The following SLC25A25 variants were observed in gnomAD, a reference collection of about 807,000 sequenced individuals.
SLC25A25 encodes solute carrier family 25 member 25.
A neutral mutation model predicts 57.7 loss-of-function variants in SLC25A25; 32 were observed. The ratio of observed to expected loss-of-function variants is 0.55; its 90% CI spans 0.42 to 0.74. The LOEUF is 0.74. Among genes scored for constraint, SLC25A25 ranks in the 30% least tolerant of loss-of-function variants. The pLI is 0.00. For synonymous variants in SLC25A25, 306 were observed against 291.2 expected (o/e 1.05, Z -0.52); for missense variants, 556 against 701.3 (o/e 0.79, Z 2.34).
Position 128,102,563 on chromosome 9 carries a change from G to A in SLC25A25, c.624+82G>A, listed in dbSNP as rs1275243394. The A allele has an allele frequency of 5.4e-6, 6 of 1,107,088 alleles. No homozygotes were observed. Among genetic ancestry groups the A allele is most frequent in the African/African-American group, 4.7e-5 (3 of 63,990 alleles). 68.6% of individuals were successfully genotyped at this position (1,107,088 alleles called of 1,614,324 possible). A position where few individuals can be genotyped will look rare whatever the true frequency, so the allele number is the denominator to read the frequency against. ...CACCCAGTCGTCCCCATCCCAGAGT[G>A]CAGCTGGGGCTTTCCAGCCACCTCC... On this transcript the variant is annotated intron_variant, in intron 5 of 10. Coordinates refer to ENST00000373069, the MANE Select transcript of SLC25A25 (RefSeq NM_001330988.2). The surrounding 1 kb of genome is among the most constrained non-coding windows in gnomAD (Gnocchi z 4.1).
At chr9:128,091,924 C>T (rs564364290) in intron 1 of SLC25A25, 26 of 1,613,474 alleles carry the variant, frequency 1.6e-5, no homozygotes, top group Admixed American at 1.0e-4. Flanking sequence ...GGGCTGGGTG[C>T]CACGGCTCCA....
Position 128,068,316 on chromosome 9 carries a change from C to G in SLC25A25, c.-4C>G. ...CCGCGCCCGGAGCCCCTGCCTCGCG[C>G]CCGATGGTGAGCAGTGTGTTGTGCC... On this transcript the variant is annotated 5_prime_UTR_variant, in exon 1 of 11. Transcript: ENST00000373069. 4 of 1,415,456 alleles carry G rather than the reference C, an allele frequency of 2.8e-6. No individual in the cohort carries two copies. Among genetic ancestry groups the G allele is most frequent in the Non-Finnish European group, 3.7e-6 (4 of 1,086,086 alleles). 87.7% of individuals were successfully genotyped at this position (1,415,456 alleles called of 1,614,324 possible).
intron 6 of SLC25A25, among the ~76,000 whole-genome samples, chr9:128,104,257 C>T (rs886354080): frequency 6.6e-6 from 1 of 152,226 alleles, no homozygotes. Flanking sequence ...ATAAGCTGGG[C>T]TGATGTCAAG....
intron 1 of SLC25A25, among the ~76,000 whole-genome samples, chr9:128,073,989 C>G (rs1182900830): frequency 6.6e-6 from 1 of 152,018 alleles, no homozygotes; most frequent in Non-Finnish European, 1.5e-5. Flanking sequence ...CTGCCTCAGC[C>G]TCCCAAAGTG....
Position 128,075,135 on chromosome 9 carries a change from T to TTAA in SLC25A25, c.261+6555_261+6556insTAA, listed in dbSNP as rs1554731166. Among the ~76,000 whole-genome samples the TTAA allele has an allele frequency of 3.4e-4, 52 of 151,358 alleles. 1 individual carries two copies. Among genetic ancestry groups the TTAA allele is most frequent in the African/African-American group, 1.3e-3 (52 of 41,040 alleles). Reference sequence around the variant, plus strand: ...CTTGGAGACAGAGTGAGATTCCATCTCAACAACAACAACAACAACAAAATT... The same window carrying TTAA: ...CTTGGAGACAGAGTGAGATTCCATCTTAACAACAACAACAACAACAACAAAATT... On this transcript the variant is annotated intron_variant, in intron 1 of 10. Coordinates refer to ENST00000373069, the MANE Select transcript of SLC25A25 (RefSeq NM_001330988.2).
chr9:128,075,573 G>A (rs931507691), intron 1 of SLC25A25, among the ~76,000 whole-genome samples: 5 of 152,064 alleles, frequency 3.3e-5, no homozygotes, highest in Admixed American at 6.6e-5. Flanking sequence ...CAAGTGTGGC[G>A]ACTTACACCT....
Position 128,103,941 on chromosome 9 carries a change from C to A in SLC25A25, c.783+102C>A. Reference sequence around the variant, plus strand: ...TCTCTGGCTGGTGCCTGCTTTGGGCCCAAACTTTTCTAACCCAATAAATTA... The same window carrying A: ...TCTCTGGCTGGTGCCTGCTTTGGGCACAAACTTTTCTAACCCAATAAATTA... On this transcript the variant is annotated intron_variant, in intron 6 of 10. Transcript: ENST00000373069. This position sits in a 1 kb window ranked among gnomAD's most constrained non-coding sequence, Gnocchi z 6.7. The A allele has an allele frequency of 8.0e-7, 1 of 1,250,746 alleles. No homozygotes were observed. 77.5% of individuals were successfully genotyped at this position (1,250,746 alleles called of 1,614,324 possible).
At position 128,107,173 on chromosome 9, in the gene SLC25A25, G is replaced by A. The variant is rs767983433; in HGVS notation, c.1357G>A (p.Ala453Thr). Residue 453 changes from alanine (A) to threonine (T), a missense_variant, in exon 10 of 11, where the codon GCG becomes ACG. Ala to Thr is a moderately conservative substitution (Grantham distance 58). Coordinates refer to ENST00000373069, the MANE Select transcript of SLC25A25 (RefSeq NM_001330988.2). Reference sequence around the variant, plus strand: ...GGCCCTAGTCAGGACCCGGATGCAGGCGCAAGGTAAGGCTGGCCCTGGACA... The same window carrying A: ...GGCCCTAGTCAGGACCCGGATGCAGACGCAAGGTAAGGCTGGCCCTGGACA... ...PLALVRTRMQ[A>T]QASIEGAPEV... 18 of 1,613,892 alleles carry A rather than the reference G, an allele frequency of 1.1e-5. No individual in the cohort carries two copies. In the Admixed American group the frequency reaches 1.7e-4, roughly 15 times the overall value.
intron 1 of SLC25A25, chr9:128,098,262 A>G (rs10819363): frequency 0.13 from 32,520 of 260,064 alleles, 2,258 homozygotes; most frequent in South Asian, 0.21. Context: ...GGCAGAACGC[A>G]CCACCCGGCC....
chr9:128,091,866 C>A (rs1833415853), intron 1 of SLC25A25: 1 of 1,606,230 alleles, frequency 6.2e-7, no homozygotes. Flanking sequence ...TTGGAGGAGA[C>A]CGTGATGTTG....
At position 128,106,378 on chromosome 9, in the gene SLC25A25, G is replaced by A. The variant is rs145988246; in HGVS notation, c.1070G>A (p.Arg357Gln). The change falls in exon 9 of 11, where the codon CGG becomes CAG. Residue 357 changes from arginine to glutamine, a missense_variant. Arg to Gln is a conservative substitution (Grantham distance 43, BLOSUM62 1). This residue lies in a region of SLC25A25 where 294 missense variants were observed against 389.6 expected (regional missense o/e 0.75). Transcript: ENST00000373069. ...GTCCTGAAGACCCGGATGGCGCTGC[G>A]GAAGACAGGCCAGTACTCAGGAATG... ...MEVLKTRMALRKTGQYSGMLD... is the reference protein window; with the variant it reads ...MEVLKTRMALQKTGQYSGMLD... 16 of 1,613,636 alleles carry A rather than the reference G, an allele frequency of 9.9e-6. No individual in the cohort carries two copies. The highest frequency in any genetic ancestry group is 6.7e-5 in the African/African-American group (5 of 74,910).
chr9:128,107,445 C>T lies in SLC25A25; in HGVS notation c.*1C>T, dbSNP rs369962505. On this transcript the variant is annotated 3_prime_UTR_variant, in exon 11 of 11. Transcript: ENST00000373069. ...CACCCTGGGCGTGCAGTCGCGGTGA[C>T]GGGGGGAGGGCCGCCCGGCAGTGGA... 2.5e-5 allele frequency: 38 copies of T among 1,504,670 alleles called. No homozygotes were observed. The highest frequency in any genetic ancestry group is 1.8e-4 in the South Asian group (13 of 73,502). 93.2% of individuals were successfully genotyped at this position (1,504,670 alleles called of 1,614,324 possible). A position where few individuals can be genotyped will look rare whatever the true frequency, so the allele number is the denominator to read the frequency against.
rs1834115953 is a variant in SLC25A25, at chr9:128,107,810, G to A, written c.*366G>A. 2 of 406,144 alleles carry A rather than the reference G, an allele frequency of 4.9e-6. No individual in the cohort carries two copies. The highest frequency in any genetic ancestry group is 2.1e-5 in the African/African-American group (1 of 48,766). The allele number at this position is 406,144 out of a possible 1,614,324, so 25.2% of individuals were successfully genotyped here. ...CCCTTGCAGCCAGCTGTTGGCCACG[G>A]CCCCTGCCCTCTGGTCTGCCGTGCA... is the stretch of plus-strand genomic sequence containing the variant. On this transcript the variant is annotated 3_prime_UTR_variant, in exon 11 of 11. Coordinates refer to ENST00000373069, the MANE Select transcript of SLC25A25 (RefSeq NM_001330988.2).
At chr9:128,091,920 G>A (rs773835246) in intron 1 of SLC25A25, 1 of 1,613,176 alleles carries the variant, frequency 6.2e-7, no homozygotes, top group Admixed American at 1.7e-5. Flanking sequence ...CCCAGGGCTG[G>A]GTGCCACGGC....
At chr9:128,096,764 A>G (rs1005422348) in intron 1 of SLC25A25, among the ~76,000 whole-genome samples, 1 of 152,226 alleles carries the variant, frequency 6.6e-6, no homozygotes, top group Admixed American at 6.5e-5. Flanking sequence ...ACCTTCAAGG[A>G]CCCTGGTGGT....
intron 1 of SLC25A25, among the ~76,000 whole-genome samples, chr9:128,079,828 T>G (rs1833107279): frequency 6.9e-6 from 1 of 145,176 alleles, no homozygotes; most frequent in Non-Finnish European, 1.5e-5. Context: ...CCGTCTCTAT[T>G]AAAAATACAA....
intron 1 of SLC25A25, among the ~76,000 whole-genome samples, chr9:128,100,277 C>T (rs559326147): frequency 6.6e-6 from 1 of 152,016 alleles, no homozygotes; most frequent in Non-Finnish European, 1.5e-5. Flanking sequence ...TGTGTGCTCT[C>T]GTGGAGCTGT....
chr9:128,101,001 A>G lies in SLC25A25; in HGVS notation c.262-95A>G, dbSNP rs934789588. 5.8e-6 allele frequency: 9 copies of G among 1,554,502 alleles called. 1 individual carries two copies. In the South Asian group the frequency reaches 7.1e-5, roughly 12 times the overall value. On this transcript the variant is annotated intron_variant, in intron 1 of 10. Transcript: ENST00000373069. This position sits in a 1 kb window ranked among gnomAD's most constrained non-coding sequence, Gnocchi z 4.9. ...GTCCTTGGGGCCAGCTCTGCTCGCA[A>G]TTAGTGAAGTCATTGCCTGGGGATG...
intron 1 of SLC25A25, among the ~76,000 whole-genome samples, chr9:128,069,458 G>A (rs1292572813): frequency 6.6e-6 from 1 of 152,050 alleles, no homozygotes; most frequent in East Asian, 1.9e-4. Context: ...GCCTGGAATA[G>A]GACTCCTGAG....
Sources: gnomAD v4.1 joint callset for allele counts (sites outside exome capture counted in the v4.1 genomes callset) on GRCh38, gnomAD v4.1.1 for gene constraint, gnomAD v4.1.1 regional missense constraint, Gnocchi (gnomAD v3.1) non-coding constraint, MANE v1.5 for transcripts, NCBI Gene and HGNC (gene_info 2026-07-23, HGNC 2026-07-21) for gene names.